The following COG5 variants were observed in gnomAD, a reference collection of about 807,000 sequenced individuals.
COG5 encodes component of oligomeric golgi complex 5.
COG5 carries 86 observed loss-of-function variants against 110.4 expected under a neutral mutation model. The ratio of observed to expected loss-of-function variants is 0.78; its 90% CI spans 0.65 to 0.93. The LOEUF (loss-of-function observed/expected upper bound fraction) is 0.93, where lower values mean the gene tolerates loss of function less well. Among genes scored for constraint, COG5 ranks in the 40% least tolerant of loss-of-function variants. The pLI is 0.00. For missense variants in COG5, 1,077 were observed against 987.0 expected, an observed-to-expected ratio of 1.09 and a Z score of -1.22; for synonymous variants, 360 against 334.6, an observed-to-expected ratio of 1.08 and a Z score of -0.83.
chr7:107,315,389 G>A (rs1407199736), intron 11 of COG5, among the ~76,000 whole-genome samples: 1 of 152,022 alleles, frequency 6.6e-6, no homozygotes, highest in Non-Finnish European at 1.5e-5. Flanking sequence ...ATATAACCAT[G>A]TTAGCACTCT....
At chr7:107,294,897 G>A (rs1452781185) in intron 12 of COG5, among the ~76,000 whole-genome samples, 1 of 68,682 alleles carries the variant, frequency 1.5e-5, no homozygotes, top group African/African-American at 4.1e-5. Flanking sequence ...GTGTGTGTGT[G>A]TGTGTGTGTG....
intron 10 of COG5, among the ~76,000 whole-genome samples, chr7:107,340,791 T>A (rs1811112480): frequency 6.6e-6 from 1 of 152,150 alleles, no homozygotes; most frequent in African/African-American, 2.4e-5. Context: ...CATATGATCA[T>A]CTCAATAGAT....
At chr7:107,420,484 G>A (rs1002990734) in intron 6 of COG5, among the ~76,000 whole-genome samples, 9 of 152,242 alleles carry the variant, frequency 5.9e-5, no homozygotes, top group South Asian at 4.1e-4. Flanking sequence ...GTTTTGAGAC[G>A]GAGTCTTGCT....
intron 19 of COG5, among the ~76,000 whole-genome samples, chr7:107,216,512 T>C (rs986891061): frequency 3.9e-5 from 6 of 152,172 alleles, no homozygotes. Context: ...CAAACCAAGT[T>C]TGAACAAATT....
intron 6 of COG5, among the ~76,000 whole-genome samples, chr7:107,503,440 C>T (rs550749785): frequency 1.3e-5 from 2 of 152,126 alleles, no homozygotes; most frequent in Admixed American, 6.6e-5. Context: ...TAATATGATG[C>T]CTCCAGATGT....
intron 6 of COG5, among the ~76,000 whole-genome samples, chr7:107,420,771 A>G (rs1157465220): frequency 2.0e-5 from 3 of 152,096 alleles, no homozygotes; most frequent in African/African-American, 4.8e-5. Context: ...TAAAATTTGT[A>G]TTTTTCTGAC....
At chr7:107,262,835 G>A (rs1213243496) in intron 14 of COG5, among the ~76,000 whole-genome samples, 1 of 152,118 alleles carries the variant, frequency 6.6e-6, no homozygotes, top group Admixed American at 6.5e-5. Context: ...CTAGCTGAGT[G>A]ACTTGTAGCT....
At chr7:107,341,965 C>T (rs1392727280) in intron 10 of COG5, among the ~76,000 whole-genome samples, 2 of 152,038 alleles carry the variant, frequency 1.3e-5, no homozygotes, top group East Asian at 3.9e-4. Flanking sequence ...TGGACATTCG[C>T]CTTGGGAAAA....
intron 11 of COG5, among the ~76,000 whole-genome samples, chr7:107,316,657 C>CAAAA (rs760555445): frequency 5.3e-5 from 4 of 75,912 alleles, no homozygotes; most frequent in African/African-American, 1.7e-4. Flanking sequence ...ACTAAAAATA[C>CAAAA]AAAAAAAAAA....
At position 107,482,459 on chromosome 7, in the gene COG5, A is replaced by G. The variant is rs540908648; in HGVS notation, c.538+44778T>C. Among the ~76,000 whole-genome samples, 5 of 152,166 alleles carry G rather than the reference A, an allele frequency of 3.3e-5. 1 individual carries two copies. The South Asian group carries it at 8.3e-4, about 25-fold the overall frequency. On this transcript the variant is annotated intron_variant, in intron 6 of 21. Coordinates refer to ENST00000297135, the MANE Select transcript of COG5 (RefSeq NM_006348.5). ...CCAAGCCCAACCAATATATATTCTA[A>G]TAAGTACTCTCAGGTGATTTGTGTG...
intron 5 of COG5, among the ~76,000 whole-genome samples, chr7:107,541,526 A>ATATATATATATATATATATGTG (rs1802028011): frequency 7.8e-6 from 1 of 128,032 alleles, no homozygotes; most frequent in African/African-American, 2.8e-5. Flanking sequence ...AAAAAAAAAT[A>ATATATATATATATATATATGTG]TATATATATA....
chr7:107,553,054 A>T (rs779753961), intron 3 of COG5, among the ~76,000 whole-genome samples: 22 of 152,196 alleles, frequency 1.4e-4, no homozygotes, highest in Non-Finnish European at 2.5e-4. Context: ...AGTGGGAGCT[A>T]AACATTGGGT....
chr7:107,398,059 C>T (rs1001482126), intron 7 of COG5, among the ~76,000 whole-genome samples: 4 of 152,000 alleles, frequency 2.6e-5, no homozygotes, highest in Non-Finnish European at 5.9e-5. Context: ...GAGACAAAAA[C>T]TTTGTAACCT....
rs1042447593 is a variant in COG5 at position 107,227,727 on chromosome 7, G to C, written c.2168+2888C>G. On this transcript the variant is annotated intron_variant, in intron 19 of 21. Coordinates refer to ENST00000297135, the MANE Select transcript of COG5 (RefSeq NM_006348.5). Reference sequence around the variant, plus strand: ...GGGGCGGGGGGTGTGGGTGGTGGGCGGTAAAGGGTCTCAGTCTGTCACCAA... The same window carrying C: ...GGGGCGGGGGGTGTGGGTGGTGGGCCGTAAAGGGTCTCAGTCTGTCACCAA... Among the ~76,000 whole-genome samples the C allele has an allele frequency of 2.0e-5, 3 of 151,990 alleles. No individual in the cohort carries two copies. In the South Asian group the frequency reaches 6.3e-4, roughly 32 times the overall value.
At chr7:107,281,538 TTG>T (rs1805166629) in intron 13 of COG5, 139 bp from the exon 14 acceptor site, 1 of 698,054 alleles carries the variant, frequency 1.4e-6, no homozygotes. Context: ...ACTGGTTGCA[TTG>T]TTTCATTTTA....
chr7:107,518,597 C>G (rs1800111443), intron 6 of COG5, among the ~76,000 whole-genome samples: 2 of 152,098 alleles, frequency 1.3e-5, no homozygotes, highest in Non-Finnish European at 2.9e-5. Context: ...ATCAATTCAA[C>G]AAGAAAAGCT....
At chr7:107,288,563 G>C (rs563631603) in intron 12 of COG5, among the ~76,000 whole-genome samples, 7 of 151,982 alleles carry the variant, frequency 4.6e-5, no homozygotes, top group Non-Finnish European at 8.8e-5. Flanking sequence ...GTATTTTCCT[G>C]ATCATCTTTT....
intron 11 of COG5, among the ~76,000 whole-genome samples, chr7:107,318,448 A>G (rs1172030414): frequency 3.3e-5 from 5 of 152,206 alleles, no homozygotes; most frequent in Non-Finnish European, 7.3e-5. Flanking sequence ...GTTTTAAAAA[A>G]CTTTTTAGAG....
At position 107,535,028 on chromosome 7, in the gene COG5, C is replaced by A. The variant is rs946801851; in HGVS notation, c.418-7671G>T. 4.6e-5 allele frequency among the ~76,000 whole-genome samples: 7 copies of A among 151,602 alleles called. 1 individual carries two copies. The highest frequency in any genetic ancestry group is 1.7e-4 in the African/African-American group (7 of 40,916). ...GGATTAAGAAATTCTCTCAAAACCG[C>A]ACAACTATATAGAAACTGAACAACC... On this transcript the variant is annotated intron_variant, in intron 5 of 21. Transcript: ENST00000297135.
Sources: allele counts gnomAD v4.1 joint callset (sites outside exome capture counted in the v4.1 genomes callset), GRCh38; gene constraint gnomAD v4.1.1; transcripts MANE v1.5; gene names NCBI Gene and HGNC (gene_info 2026-07-23, HGNC 2026-07-21).